ARHGEF7: variants seen among roughly 807,000 people sequenced by gnomAD.
ARHGEF7 encodes the protein PAK-interacting exchange factor beta.
ARHGEF7 carries 33 observed loss-of-function variants against 109.8 expected under a neutral mutation model. The ratio of observed to expected loss-of-function variants is 0.30; its 90% CI spans 0.23 to 0.40. ARHGEF7 has a LOEUF of 0.40. ARHGEF7 is among the 10% of genes least tolerant of loss of function. The probability of loss-of-function intolerance (pLI) is 1.00; values close to 1 mark genes in which losing one functional copy is unlikely to be tolerated. For synonymous variants in ARHGEF7, 458 were observed against 424.6 expected (o/e 1.08, Z -0.97); for missense variants, 938 against 1,098.5 (o/e 0.85, Z 2.07).
At chr13:111,294,352 G>T in intron 19 of ARHGEF7, 1 of 985,460 alleles carries the variant, frequency 1.0e-6, no homozygotes, top group Non-Finnish European at 1.2e-6. Flanking sequence ...GGTTGCCTGT[G>T]TCATGGGCTG....
At chr13:111,217,641 T>C (rs1278534067) in intron 4 of ARHGEF7, 38 bp from the exon 5 acceptor site, 5 of 1,547,956 alleles carry the variant, frequency 3.2e-6, no homozygotes, top group Non-Finnish European at 4.5e-6. Flanking sequence ...TAGACTGTTC[T>C]TGGTATAATT....
At chr13:111,136,692 A>G (rs1166241518) in intron 1 of ARHGEF7, among the ~76,000 whole-genome samples, 2 of 152,374 alleles carry the variant, frequency 1.3e-5, no homozygotes, top group African/African-American at 2.4e-5. Flanking sequence ...GGACTAGAGA[A>G]GCAAGAGCAA....
At chr13:111,213,849 A>G (rs891012552) in intron 4 of ARHGEF7, among the ~76,000 whole-genome samples, 3 of 152,182 alleles carry the variant, frequency 2.0e-5, no homozygotes, top group Non-Finnish European at 4.4e-5. Flanking sequence ...TGAACGTGGT[A>G]GTATAGAGTG....
At chr13:111,147,285 A>G (rs927653653) in intron 1 of ARHGEF7, among the ~76,000 whole-genome samples, 14 of 152,250 alleles carry the variant, frequency 9.2e-5, no homozygotes, top group Non-Finnish European at 1.5e-4. Flanking sequence ...TTTTCTAAGC[A>G]TACCATTTAC....
At chr13:111,173,958 T>A (rs924049333) in intron 2 of ARHGEF7, among the ~76,000 whole-genome samples, 1 of 152,214 alleles carries the variant, frequency 6.6e-6, no homozygotes, top group Non-Finnish European at 1.5e-5. Flanking sequence ...ATAAAAAATT[T>A]ACTTAATTTT....
chr13:111,162,309 G>A (rs117566853), intron 2 of ARHGEF7, among the ~76,000 whole-genome samples: 5,805 of 152,304 alleles, frequency 0.038, 154 homozygotes, highest in Middle Eastern at 0.078. Context: ...TAAAATAAAT[G>A]TAAGTCAGTC....
At chr13:111,192,652 C>T (rs180933118) in intron 2 of ARHGEF7, among the ~76,000 whole-genome samples, 232 of 152,246 alleles carry the variant, frequency 1.5e-3, no homozygotes, top group Non-Finnish European at 2.7e-3. Context: ...TTTGCCTTCT[C>T]GACCTTCCCT....
rs11403258 is a variant in ARHGEF7 at position 111,281,181 on chromosome 13, C to CTTTTTTTTTTTTTTTTTTTTTT, written c.1725+511_1725+532dup. 2.2e-4 allele frequency: 13 copies of CTTTTTTTTTTTTTTTTTTTTTT among 59,446 alleles called. 1 individual carries two copies. The highest frequency in any genetic ancestry group is 3.1e-4 in the Non-Finnish European group (10 of 32,632). The allele number at this position is 59,446 out of a possible 1,614,324, so 3.7% of individuals were successfully genotyped here. A position where few individuals can be genotyped will look rare whatever the true frequency, so the allele number is the denominator to read the frequency against. On this transcript the variant is annotated intron_variant, in intron 15 of 21. Coordinates refer to ENST00000646102, the MANE Select transcript of ARHGEF7 (RefSeq NM_001354046.2). The stretch of plus-strand genomic sequence containing the variant: ...CAACAAGTCTTTGGATATTTAGAGA[C>CTTTTTTTTTTTTTTTTTTTTTT]TTTTTTTTTTTTTTTTTTTTTTTTT...
At chr13:111,288,829 TTTG>T (rs2153620798) in intron 18 of ARHGEF7, among the ~76,000 whole-genome samples, 1 of 152,348 alleles carries the variant, frequency 6.6e-6, no homozygotes, top group African/African-American at 2.4e-5. Flanking sequence ...TGGTTTTTAT[TTTG>T]TTATTATTTT....
In ARHGEF7 at chr13:111,117,727, CTCCTTCCT is replaced by C. The variant is rs10559879; in HGVS notation, c.165+2047_165+2054del. ...TCTCTGTCTCTCTCTCTCTTTCTTTCTCCTTCCTTCCTTCCTTCGAGATGGGTTCTTGC... is the reference window on the plus strand; with the variant it reads ...TCTCTGTCTCTCTCTCTCTTTCTTTCTCCTTCCTTCGAGATGGGTTCTTGC... On this transcript the variant is annotated intron_variant, in intron 1 of 21. Transcript: ENST00000646102. Among the ~76,000 whole-genome samples the C allele has an allele frequency of 1.9e-3, 285 of 151,762 alleles. 1 individual carries two copies. In the East Asian group the frequency reaches 0.021, roughly 11 times the overall value.
chr13:111,205,103 TAGG>T (rs898789607), intron 2 of ARHGEF7, among the ~76,000 whole-genome samples, 183 bp from the exon 3 acceptor site: 7 of 151,872 alleles, frequency 4.6e-5, no homozygotes, highest in Admixed American at 1.3e-4. Flanking sequence ...TGCACCTAAG[TAGG>T]AGAATTTTGA....
At chr13:111,177,700 G>C (rs2078301225) in intron 2 of ARHGEF7, among the ~76,000 whole-genome samples, 1 of 152,222 alleles carries the variant, frequency 6.6e-6, no homozygotes, top group Non-Finnish European at 1.5e-5. Context: ...CTCAGACAGA[G>C]TGGCCCAGAC....
At chr13:111,279,841 C>G (rs553083703) in intron 13 of ARHGEF7, among the ~76,000 whole-genome samples, 1 of 152,188 alleles carries the variant, frequency 6.6e-6, no homozygotes, top group South Asian at 2.1e-4. Context: ...AATTTCCCAC[C>G]CTTATTTTGA....
intron 2 of ARHGEF7, among the ~76,000 whole-genome samples, chr13:111,157,637 G>A (rs934859888): frequency 6.6e-6 from 1 of 152,146 alleles, no homozygotes; most frequent in Non-Finnish European, 1.5e-5. Context: ...GTAACTTACT[G>A]AGGCAAACCA....
chr13:111,209,784 T>C, intron 3 of ARHGEF7, 88 bp from the exon 4 acceptor site: 2 of 1,483,726 alleles, frequency 1.3e-6, no homozygotes, highest in Non-Finnish European at 1.8e-6. Context: ...CCCTCTGTGC[T>C]GCCCTAGTTT....
In ARHGEF7 at chr13:111,206,159, C is replaced by T. The variant is rs116169287; in HGVS notation, c.337+786C>T. Among the ~76,000 whole-genome samples, 452 of 151,568 alleles carry T rather than the reference C, an allele frequency of 3.0e-3. 3 individuals carry two copies. Among genetic ancestry groups the T allele is most frequent in the African/African-American group, 0.01 (430 of 41,246 alleles). ...ATATCAGGTTTGTGGGGGAAAGTGC[C>T]GTGTCCTTTTCAAACAGAAACCTCC... On this transcript the variant is annotated intron_variant, in intron 3 of 21. Transcript: ENST00000646102.
intron 8 of ARHGEF7, among the ~76,000 whole-genome samples, chr13:111,248,750 G>T (rs1045319400): frequency 5.3e-5 from 8 of 152,192 alleles, no homozygotes; most frequent in Non-Finnish European, 1.0e-4. Flanking sequence ...TTCACTACAA[G>T]AATATTTTTC....
intron 1 of ARHGEF7, among the ~76,000 whole-genome samples, chr13:111,151,016 A>T (rs2075862083): frequency 2.0e-5 from 3 of 152,194 alleles, no homozygotes. Context: ...ACTGGCATGC[A>T]GTTCAGATTT....
chr13:111,170,408 A>G (rs914390216), intron 2 of ARHGEF7, among the ~76,000 whole-genome samples: 5 of 152,218 alleles, frequency 3.3e-5, no homozygotes, highest in South Asian at 2.1e-4. Flanking sequence ...CAGTTAGTCA[A>G]TCTTCTGAGG....
Sources: allele counts gnomAD v4.1 joint callset (sites outside exome capture counted in the v4.1 genomes callset), GRCh38; gene constraint gnomAD v4.1.1; transcripts MANE v1.5; gene names NCBI Gene and HGNC (gene_info 2026-07-23, HGNC 2026-07-21).